The following PCDHGB1 variants were observed in gnomAD, a reference collection of about 807,000 sequenced individuals.
The protein encoded by PCDHGB1 is protocadherin gamma subfamily B, 1.
A neutral mutation model predicts 56.6 loss-of-function variants in PCDHGB1; 34 were observed. The ratio of observed to expected loss-of-function variants is 0.60; its 90% CI spans 0.46 to 0.80. The LOEUF (loss-of-function observed/expected upper bound fraction) is 0.80, where lower values mean the gene tolerates loss of function less well. Ranked by LOEUF, PCDHGB1 falls within the 30% of genes least tolerant of loss-of-function variation. The pLI is 0.00. For missense variants in PCDHGB1, 1,278 were observed against 1,204.6 expected, an observed-to-expected ratio of 1.06 and a Z score of -0.90; for synonymous variants, 561 against 505.9, an observed-to-expected ratio of 1.11 and a Z score of -1.46.
At chr5:141,472,668 C>T (rs2099292239) in intron 1 of PCDHGB1, among the ~76,000 whole-genome samples, 1 of 151,742 alleles carries the variant, frequency 6.6e-6, no homozygotes, top group African/African-American at 2.4e-5. Context: ...ATCCTGTATA[C>T]TGGTCCTTCC....
At chr5:141,441,948 G>A in intron 1 of PCDHGB1, 1 of 332,472 alleles carries the variant, frequency 3.0e-6, no homozygotes, top group Non-Finnish European at 5.8e-6. Flanking sequence ...ACGTGCTGCA[G>A]GCCAGCAAGC....
intron 1 of PCDHGB1, among the ~76,000 whole-genome samples, chr5:141,482,914 A>G (rs1023561837): frequency 6.6e-6 from 1 of 152,162 alleles, no homozygotes; most frequent in Non-Finnish European, 1.5e-5. Context: ...TCTATTAAAA[A>G]TACAAAAAAT....
intron 1 of PCDHGB1, among the ~76,000 whole-genome samples, chr5:141,433,553 T>C (rs530467777): frequency 1.3e-5 from 2 of 151,614 alleles, no homozygotes; most frequent in African/African-American, 4.8e-5. Flanking sequence ...TATTCTTTTC[T>C]GGCTGGGCGC....
chr5:141,374,184 C>G (rs369352283), intron 1 of PCDHGB1: 8 of 1,613,676 alleles, frequency 5.0e-6, no homozygotes, highest in Middle Eastern at 3.3e-4. Context: ...ATCCGCTACT[C>G]TATTCCCGAG....
At chr5:141,356,976 G>C in intron 1 of PCDHGB1, 3 of 1,614,248 alleles carry the variant, frequency 1.9e-6, no homozygotes, top group Non-Finnish European at 2.5e-6. Context: ...CCAAAGTGGT[G>C]GCAGTGGACA....
chr5:141,486,522 A>G lies in PCDHGB1; in HGVS notation c.2410-8285A>G. 1 of 1,614,174 alleles carries G rather than the reference A, an allele frequency of 6.2e-7. No homozygotes were observed. Among genetic ancestry groups the G allele is most frequent in the Non-Finnish European group, 8.5e-7 (1 of 1,180,024 alleles). On this transcript the variant is annotated intron_variant, in intron 1 of 3. Transcript: ENST00000523390. The surrounding 1 kb of genome is among the most constrained non-coding windows in gnomAD (Gnocchi z 5.0). The stretch of plus-strand genomic sequence containing the variant: ...TTCCTCAATATTTCAGATGTGAATG[A>G]TAATCCACCCTCTTTCTTTCAGAGG...
intron 1 of PCDHGB1, chr5:141,409,991 G>A: frequency 6.2e-6 from 10 of 1,613,320 alleles, no homozygotes; most frequent in Non-Finnish European, 7.6e-6. Flanking sequence ...GGTGGACGCC[G>A]ACTCGGGACA....
rs70988802 is a variant in PCDHGB1 at position 141,450,006 on chromosome 5, C to CTATTTTTTTT, written c.2410-44800_2410-44799insATTTTTTTTT. ...CACATTGCATTTAGTTGCCATGTCTCTTTTTTTTTTTTTTTTTTGAGACAG... is the reference window on the plus strand; with the variant it reads ...CACATTGCATTTAGTTGCCATGTCTCTATTTTTTTTTTTTTTTTTTTTTTTTTTGAGACAG... On this transcript the variant is annotated intron_variant, in intron 1 of 3. Transcript: ENST00000523390. Among the ~76,000 whole-genome samples the CTATTTTTTTT allele has an allele frequency of 3.0e-5, 4 of 132,980 alleles. 1 individual carries two copies. The highest frequency in any genetic ancestry group is 5.6e-5 in the African/African-American group (2 of 35,572). 87.2% of individuals were successfully genotyped at this position (132,980 alleles called of 152,430 possible). A position where few individuals can be genotyped will look rare whatever the true frequency, so the allele number is the denominator to read the frequency against.
At chr5:141,463,955 A>G (rs2154568299) in intron 1 of PCDHGB1, among the ~76,000 whole-genome samples, 1 of 152,288 alleles carries the variant, frequency 6.6e-6, no homozygotes, top group Middle Eastern at 3.4e-3. Flanking sequence ...CTTCATTTTT[A>G]AAATAGCTTC....
intron 1 of PCDHGB1, chr5:141,408,193 C>T (rs1280310689): frequency 6.5e-7 from 1 of 1,545,210 alleles, no homozygotes; most frequent in Non-Finnish European, 8.7e-7. Flanking sequence ...AGCGAGAACC[C>T]GAGCGAACGA....
intron 3 of PCDHGB1, among the ~76,000 whole-genome samples, chr5:141,506,564 G>A (rs984395438): frequency 5.3e-5 from 8 of 152,016 alleles, no homozygotes; most frequent in East Asian, 1.9e-4. Context: ...AAACCCCCTC[G>A]GTTTCACTTA....
chr5:141,361,556 T>C, intron 1 of PCDHGB1: 1 of 1,614,058 alleles, frequency 6.2e-7, no homozygotes, highest in Non-Finnish European at 8.5e-7. Context: ...ATCGCTCAAA[T>C]CAGTGCCTCT....
intron 1 of PCDHGB1, chr5:141,428,219 T>C (rs749413221): frequency 8.4e-7 from 1 of 1,195,778 alleles, no homozygotes. Context: ...CACCTAGTCT[T>C]CGCAGACAGC....
chr5:141,434,727 A>C (rs1344107083), intron 1 of PCDHGB1, among the ~76,000 whole-genome samples: 1 of 152,052 alleles, frequency 6.6e-6, no homozygotes. Context: ...CAGGGCTCTC[A>C]GCTCTGAAGG....
In PCDHGB1 at chr5:141,476,839, G is replaced by T; in HGVS notation, c.2410-17968G>T. The T allele has an allele frequency of 1.9e-6, 3 of 1,613,610 alleles. No individual in the cohort carries two copies. Among genetic ancestry groups the T allele is most frequent in the East Asian group, 2.2e-5 (1 of 44,862 alleles). ...AGGTGCTGGACGCGAATGACAATGC[G>T]CCTGTCTTCAACCAGTCCTTGTACC... On this transcript the variant is annotated intron_variant, in intron 1 of 3. Coordinates refer to ENST00000523390, the MANE Select transcript of PCDHGB1 (RefSeq NM_018922.3). This position sits in a 1 kb window ranked among gnomAD's most constrained non-coding sequence, Gnocchi z 7.6.
At chr5:141,375,572 CA>C in intron 1 of PCDHGB1, 2 of 1,614,102 alleles carry the variant, frequency 1.2e-6, no homozygotes, top group Non-Finnish European at 1.7e-6. Flanking sequence ...AGACACCCTC[CA>C]GGGGGCGCCC....
intron 1 of PCDHGB1, chr5:141,426,675 C>T: frequency 2.3e-6 from 1 of 431,942 alleles, no homozygotes; most frequent in South Asian, 1.6e-5. Flanking sequence ...TAACCCACCT[C>T]ATTTTCCCCA....
At chr5:141,413,513 T>C (rs1369472337) in intron 1 of PCDHGB1, 34 of 1,613,974 alleles carry the variant, frequency 2.1e-5, no homozygotes, top group Non-Finnish European at 2.9e-5. Context: ...TTTAATATCC[T>C]TGTGGAAGAC....
At position 141,487,991 on chromosome 5, in the gene PCDHGB1, G is replaced by C. The variant is rs932744807; in HGVS notation, c.2410-6816G>C. ...GCTGTTTTCTCTACTCTTCCTGAAA[G>C]AGGGGATCAGATTCTGAAGTACCTT... On this transcript the variant is annotated intron_variant, in intron 1 of 3. Coordinates refer to ENST00000523390, the MANE Select transcript of PCDHGB1 (RefSeq NM_018922.3). The surrounding 1 kb of genome is among the most constrained non-coding windows in gnomAD (Gnocchi z 5.0). 2.6e-5 allele frequency among the ~76,000 whole-genome samples: 4 copies of C among 152,194 alleles called. No homozygotes were observed. The highest frequency in any genetic ancestry group is 4.4e-5 in the Non-Finnish European group (3 of 68,030).
Sources: allele counts gnomAD v4.1 joint callset (sites outside exome capture counted in the v4.1 genomes callset), GRCh38; gene constraint gnomAD v4.1.1; non-coding constraint Gnocchi (gnomAD v3.1); transcripts MANE v1.5; gene names NCBI Gene and HGNC (gene_info 2026-07-23, HGNC 2026-07-21).